The following UBR3 variants were observed in gnomAD, a reference collection of about 807,000 sequenced individuals.
The protein encoded by UBR3 is ubiquitin protein ligase E3 component n-recognin 3, also known as E3 ubiquitin-protein ligase UBR3.
A neutral mutation model predicts 243.2 loss-of-function variants in UBR3; 85 were observed. The observed-to-expected ratio is 0.35, with a 90% CI of 0.29 to 0.42. UBR3 has a LOEUF of 0.42. Among genes scored for constraint, UBR3 ranks in the 10% least tolerant of loss-of-function variants. UBR3 has a pLI of 1.00. For missense variants in UBR3, 1,686 were observed against 2,300.8 expected (o/e 0.73, Z 5.47); for synonymous variants, 748 against 799.8 (o/e 0.94, Z 1.09).
At chr2:169,995,658 T>C (rs2089451950) in intron 26 of UBR3, among the ~76,000 whole-genome samples, 1 of 152,202 alleles carries the variant, frequency 6.6e-6, no homozygotes, top group Admixed American at 6.5e-5. Flanking sequence ...CTCCCTCTTT[T>C]ACTTTCATTT....
chr2:170,014,965 G>A (rs1177771444), intron 29 of UBR3: 4 of 158,650 alleles, frequency 2.5e-5, no homozygotes, highest in Non-Finnish European at 4.9e-5. Context: ...TATGAAATAT[G>A]TTGCAGTTTT....
intron 1 of UBR3, among the ~76,000 whole-genome samples, chr2:169,855,740 TC>T (rs1309342814): frequency 4.6e-5 from 7 of 152,370 alleles, no homozygotes; most frequent in Admixed American, 3.9e-4. Context: ...GTCTCCTATG[TC>T]TACTTCTTTC....
chr2:170,032,688 A>G (rs373594959), intron 31 of UBR3, among the ~76,000 whole-genome samples: 1 of 143,556 alleles, frequency 7.0e-6, no homozygotes, highest in East Asian at 2.0e-4. Context: ...GATTCAGGTT[A>G]TAACCTTTTG....
At chr2:169,878,093 C>CTT (rs1163357129) in intron 4 of UBR3, among the ~76,000 whole-genome samples, 9 of 152,158 alleles carry the variant, frequency 5.9e-5, no homozygotes. Context: ...GGCACGGAGG[C>CTT]TTATGCCTAT....
rs78156918 is a variant in UBR3, at chr2:169,848,569, G to A, written c.545+20517G>A. 1.8e-3 allele frequency among the ~76,000 whole-genome samples: 279 copies of A among 151,812 alleles called. 3 individuals carry two copies. In the East Asian group the frequency reaches 0.046, roughly 25 times the overall value. On this transcript the variant is annotated intron_variant, in intron 1 of 38. Transcript: ENST00000272793. ...CCTAAGTGAACTTTCTTTCATATAT[G>A]TGCTCCCAGAAAGTCTATTGCTTTC...
At position 169,936,565 on chromosome 2, in the gene UBR3, A is replaced by G. The variant is rs148350338; in HGVS notation, c.2663+3557A>G. ...ACTTTAAGTTCTAGGGTACATGTGC[A>G]CAATGTGCAGGTTTCTTACATATGT... On this transcript the variant is annotated intron_variant, in intron 19 of 38. Transcript: ENST00000272793. Among the ~76,000 whole-genome samples, 439 of 152,020 alleles carry G rather than the reference A, an allele frequency of 2.9e-3. 1 individual carries two copies. The highest frequency in any genetic ancestry group is 0.01 in the African/African-American group (416 of 41,426).
At position 169,994,393 on chromosome 2, in the gene UBR3, T is replaced by A. The variant is rs1359444250; in HGVS notation, c.3855T>A (p.Pro1285=). 1.9e-6 allele frequency: 3 copies of A among 1,614,054 alleles called. No homozygotes were observed. The highest frequency in any genetic ancestry group is 2.5e-6 in the Non-Finnish European group (3 of 1,180,048). Residue 1285 remains proline (P), a synonymous_variant, in exon 26 of 39, where the codon CCT becomes CCA. Transcript: ENST00000272793. ...TCAGTGAAGAGGAGCAGATTTACCCTTGGGATACCTGTGCAGCCGTTCATG... is the reference window on the plus strand; with the variant it reads ...TCAGTGAAGAGGAGCAGATTTACCCATGGGATACCTGTGCAGCCGTTCATG... ...LPISEEEQIY[P]WDTCAAVHDV... is the part of the protein sequence containing the mutation.
At chr2:169,918,086 A>C in intron 11 of UBR3, among the ~76,000 whole-genome samples, 1 of 152,116 alleles carries the variant, frequency 6.6e-6, no homozygotes, top group East Asian at 1.9e-4. Flanking sequence ...AGAGATATTA[A>C]ATGACTTGCC....
intron 31 of UBR3, among the ~76,000 whole-genome samples, chr2:170,036,561 TA>T (rs1183701107): frequency 6.6e-6 from 1 of 152,098 alleles, no homozygotes; most frequent in African/African-American, 2.4e-5. Flanking sequence ...TATGAGTGAT[TA>T]AAAATGGGAT....
At chr2:169,851,771 G>A (rs1206031768) in intron 1 of UBR3, among the ~76,000 whole-genome samples, 1 of 151,108 alleles carries the variant, frequency 6.6e-6, no homozygotes, top group East Asian at 1.9e-4. Context: ...CAGGGAGGCT[G>A]AGGTTGCAGT....
At chr2:169,871,383 G>A (rs1474090462) in intron 1 of UBR3, among the ~76,000 whole-genome samples, 1 of 150,050 alleles carries the variant, frequency 6.7e-6, no homozygotes, top group Non-Finnish European at 1.5e-5. Flanking sequence ...CAGGATGCAT[G>A]TGAGTGACAA....
chr2:169,977,273 A>C (rs1048314957), intron 24 of UBR3, among the ~76,000 whole-genome samples: 2 of 152,136 alleles, frequency 1.3e-5, no homozygotes, highest in Admixed American at 1.3e-4. Flanking sequence ...TTCAAAATCT[A>C]TATTAGGTTT....
At chr2:169,954,874 G>A (rs1472572394) in intron 23 of UBR3, among the ~76,000 whole-genome samples, 1 of 151,984 alleles carries the variant, frequency 6.6e-6, no homozygotes, top group East Asian at 1.9e-4. Flanking sequence ...TGCCCAGCCA[G>A]TAATATTTCT....
intron 24 of UBR3, among the ~76,000 whole-genome samples, chr2:169,971,563 C>T (rs2088145700): frequency 6.6e-6 from 1 of 151,972 alleles, no homozygotes; most frequent in Non-Finnish European, 1.5e-5. Context: ...ATTTTCCCAG[C>T]ACCATTTATT....
rs376227831 is a variant in UBR3 at position 170,073,617 on chromosome 2, A to C, written c.5199+10A>C. ...TGCAGAACAAGGAAAGGTATGTTAA[A>C]AGAGTTGTACTAGCTTGTCACGGTG... On this transcript the variant is annotated intron_variant, in intron 36 of 38. Coordinates refer to ENST00000272793, the MANE Select transcript of UBR3 (RefSeq NM_172070.4). 1.9e-5 allele frequency: 30 copies of C among 1,612,574 alleles called. No homozygotes were observed. In the African/African-American group the frequency reaches 3.7e-4, roughly 20 times the overall value.
rs1340542726 is a variant in UBR3 at position 169,973,259 on chromosome 2, TAA to T, written c.3635-13383_3635-13382del. On this transcript the variant is annotated intron_variant, in intron 24 of 38. Coordinates refer to ENST00000272793, the MANE Select transcript of UBR3 (RefSeq NM_172070.4). ...AACTACAAACCACTGCTCAAGGAAATAAAAGAGGATACAAACAAATGGAAGAA... is the reference window on the plus strand; with the variant it reads ...AACTACAAACCACTGCTCAAGGAAATAAGAGGATACAAACAAATGGAAGAA... Among the ~76,000 whole-genome samples, 4 of 135,278 alleles carry T rather than the reference TAA, an allele frequency of 3.0e-5. No individual in the cohort carries two copies. In the Admixed American group the frequency reaches 3.1e-4, roughly 11 times the overall value. The allele number at this position is 135,278 out of a possible 152,430, so 88.7% of individuals were successfully genotyped here. A position where few individuals can be genotyped will look rare whatever the true frequency, so the allele number is the denominator to read the frequency against.
chr2:169,980,828 A>G (rs1446074427), intron 24 of UBR3, among the ~76,000 whole-genome samples: 1 of 131,480 alleles, frequency 7.6e-6, no homozygotes, highest in African/African-American at 2.9e-5. Flanking sequence ...TGAAAAGAGG[A>G]ACTAGGGTCC....
At chr2:169,851,152 T>A (rs2082643016) in intron 1 of UBR3, among the ~76,000 whole-genome samples, 3 of 152,156 alleles carry the variant, frequency 2.0e-5, no homozygotes, top group Admixed American at 6.5e-5. Context: ...TGAGACAGGG[T>A]CTCGTTCTGT....
At chr2:169,902,496 T>C (rs185099472) in intron 8 of UBR3, among the ~76,000 whole-genome samples, 2 of 152,322 alleles carry the variant, frequency 1.3e-5, no homozygotes, top group East Asian at 3.9e-4. Flanking sequence ...TTTTCTTAGG[T>C]ACTGCTCCTT....
Sources: gnomAD v4.1 joint callset for allele counts (sites outside exome capture counted in the v4.1 genomes callset) on GRCh38, gnomAD v4.1.1 for gene constraint, MANE v1.5 for transcripts, NCBI Gene and HGNC (gene_info 2026-07-23, HGNC 2026-07-21) for gene names.